The following NACAD variants were observed in gnomAD, a reference collection of about 807,000 sequenced individuals.
NACAD encodes NAC-alpha domain-containing protein 1.
Under a neutral mutation model 98.9 loss-of-function variants are expected in NACAD, and 47 were observed. The observed-to-expected ratio is 0.48, with a 90% CI of 0.38 to 0.61. The LOEUF is 0.61. Among genes scored for constraint, NACAD ranks in the 20% least tolerant of loss-of-function variants. NACAD has a pLI of 0.00. For synonymous variants in NACAD, 696 were observed against 767.2 expected (o/e 0.91, Z 1.53); for missense variants, 1,412 against 1,748.2 (o/e 0.81, Z 3.43).
In NACAD at chr7:45,080,498, C is replaced by T. The variant is rs1408780130; in HGVS notation, c.*11G>A. The T allele has an allele frequency of 5.8e-6, 9 of 1,551,458 alleles. No individual in the cohort carries two copies. The highest frequency in any genetic ancestry group is 2.0e-5 in the Admixed American group (1 of 50,998). On this transcript the variant is annotated 3_prime_UTR_variant, in exon 8 of 8. Coordinates refer to ENST00000490531, the MANE Select transcript of NACAD (RefSeq NM_001146334.2). ...GGAAGGCGTAGGATGGCTCCAGCTTCCGGTCAGTGGCTACATGGTCAGTTC... is the reference window on the plus strand; with the variant it reads ...GGAAGGCGTAGGATGGCTCCAGCTTTCGGTCAGTGGCTACATGGTCAGTTC...
chr7:45,081,607 G>A lies in NACAD; in HGVS notation c.4251C>T (p.Ala1417=). Residue 1417 remains alanine, a synonymous_variant, in exon 4 of 8, where the codon GCC becomes GCT. Coordinates refer to ENST00000490531, the MANE Select transcript of NACAD (RefSeq NM_001146334.2). ...GAGGGAGCCACCAGCCCACCTTTCGGGCCTTCTTCTCACTGCGACTCTGCT... is the reference window on the plus strand; with the variant it reads ...GAGGGAGCCACCAGCCCACCTTTCGAGCCTTCTTCTCACTGCGACTCTGCT... ...KAKQSRSEKK[A]RKAMSKLGLR... 1 of 1,551,414 alleles carries A rather than the reference G, an allele frequency of 6.4e-7. No individual in the cohort carries two copies. The highest frequency in any genetic ancestry group is 2.4e-5 in the East Asian group (1 of 40,906).
At position 45,081,876 on chromosome 7, in the gene NACAD, G is replaced by A; in HGVS notation, c.4073-9C>T. 1 of 1,542,774 alleles carries A rather than the reference G, an allele frequency of 6.5e-7. No homozygotes were observed. Among genetic ancestry groups the A allele is most frequent in the Non-Finnish European group, 8.7e-7 (1 of 1,146,606 alleles). On this transcript the variant is annotated splice_polypyrimidine_tract_variant and intron_variant, in intron 2 of 7. Coordinates refer to ENST00000490531, the MANE Select transcript of NACAD (RefSeq NM_001146334.2). Reference sequence around the variant, plus strand: ...CAGGGCCCGAGGCGAGTCTGGGGAAGGGGAGAGGTGTGAGGATGGCCTTTT... The same window carrying A: ...CAGGGCCCGAGGCGAGTCTGGGGAAAGGGAGAGGTGTGAGGATGGCCTTTT...
In NACAD at chr7:45,084,870, T is replaced by C. The variant is rs1041133572; in HGVS notation, c.1310A>G (p.Gln437Arg). The change falls in exon 2 of 8, where the codon CAG becomes CGG. Residue 437 changes from glutamine to arginine, a missense_variant. Gln to Arg is a conservative substitution (Grantham distance 43, BLOSUM62 1). Transcript: ENST00000490531. ...SGGGAKGLQA[Q>R]DGTVSWAVEA... is the part of the protein sequence containing the mutation. ...CACGGCCCAGGACACAGTCCCATCC[T>C]GAGCCTGCAGCCCCTTGGCCCCACC... 1.3e-6 allele frequency: 2 copies of C among 1,551,054 alleles called. No individual in the cohort carries two copies.
At position 45,088,141 on chromosome 7, in the gene NACAD, A is replaced by C. The variant is rs981087706; in HGVS notation, c.67+687T>G. On this transcript the variant is annotated intron_variant, in intron 1 of 7. Transcript: ENST00000490531. This position sits in a 1 kb window ranked among gnomAD's most constrained non-coding sequence, Gnocchi z 5.7. Reference sequence around the variant, plus strand: ...CCCACACATGGCTGACCTCCACGCCAGGACTGTCCAGGCTCGGCTCTTTCT... The same window carrying C: ...CCCACACATGGCTGACCTCCACGCCCGGACTGTCCAGGCTCGGCTCTTTCT... Among the ~76,000 whole-genome samples the C allele has an allele frequency of 2.6e-5, 4 of 152,154 alleles. No individual in the cohort carries two copies. The highest frequency in any genetic ancestry group is 5.9e-5 in the Non-Finnish European group (4 of 68,022).
rs1784463806 is a variant in NACAD, at chr7:45,083,315, G to A, written c.2865C>T (p.Ala955=). ...PQTLQAEAGC[A]PGTEPVATMA... ...TGGTGGCCACAGGCTCTGTCCCTGG[G>A]GCACAGCCTGCTTCTGCCTGCAAGG... is the stretch of plus-strand genomic sequence containing the variant. Residue 955 remains alanine (A), a synonymous_variant, in exon 2 of 8, where the codon GCC becomes GCT. Coordinates refer to ENST00000490531, the MANE Select transcript of NACAD (RefSeq NM_001146334.2). 6.4e-7 allele frequency: 1 copy of A among 1,551,196 alleles called. No individual in the cohort carries two copies. The highest frequency in any genetic ancestry group is 8.7e-7 in the Non-Finnish European group (1 of 1,146,994).
Position 45,082,502 on chromosome 7 carries a change from G to A in NACAD, c.3678C>T (p.Gly1226=). The part of the protein sequence containing the change: ...QPSTPVDRPL[G]PDPSAPGTLA... ...GGGTACCAGGAGCAGAAGGGTCAGG[G>A]CCCAGGGGCCTGTCCACGGGCGTGC... Residue 1226 remains glycine (G), a synonymous_variant, in exon 2 of 8, where the codon GGC becomes GGT. Transcript: ENST00000490531. This position sits in a 1 kb window ranked among gnomAD's most constrained non-coding sequence, Gnocchi z 4.5. 2.6e-6 allele frequency: 4 copies of A among 1,549,650 alleles called. No individual in the cohort carries two copies. The highest frequency in any genetic ancestry group is 3.5e-6 in the Non-Finnish European group (4 of 1,146,852).
chr7:45,088,482 C>G lies in NACAD; in HGVS notation c.67+346G>C, dbSNP rs557938432. Among the ~76,000 whole-genome samples, 327 of 152,304 alleles carry G rather than the reference C, an allele frequency of 2.1e-3. 1 individual carries two copies. The highest frequency in any genetic ancestry group is 3.4e-3 in the Non-Finnish European group (228 of 68,024). ...ACACCCCGCCTCCAGAACCCGCTGC[C>G]TCTGTCCAGAGCGGCCCAGCCCCAG... is the stretch of plus-strand genomic sequence containing the variant. On this transcript the variant is annotated intron_variant, in intron 1 of 7. Transcript: ENST00000490531. The surrounding 1 kb of genome is among the most constrained non-coding windows in gnomAD (Gnocchi z 5.7).
intron 6 of NACAD, 56 bp downstream of exon 6, chr7:45,080,820 C>T (rs1378644297): frequency 1.7e-5 from 27 of 1,549,126 alleles, no homozygotes; most frequent in Non-Finnish European, 2.4e-5. Context: ...GGGGCAGAGC[C>T]CCCATGTAGC....
rs1584008978 is a variant in NACAD at position 45,082,064 on chromosome 7, T to C, written c.4072+44A>G. 4.1e-6 allele frequency: 6 copies of C among 1,460,686 alleles called. No homozygotes were observed. In the South Asian group the frequency reaches 4.4e-5, roughly 11 times the overall value. The allele number at this position is 1,460,686 out of a possible 1,614,324, so 90.5% of individuals were successfully genotyped here. A position where few individuals can be genotyped will look rare whatever the true frequency, so the allele number is the denominator to read the frequency against. On this transcript the variant is annotated intron_variant, in intron 2 of 7. Coordinates refer to ENST00000490531, the MANE Select transcript of NACAD (RefSeq NM_001146334.2). This position sits in a 1 kb window ranked among gnomAD's most constrained non-coding sequence, Gnocchi z 4.5. ...AGGACAGCTCTAAGGAGGAGTCCAG[T>C]TGACCCAAGCCCCAGGGCACTTCAC...
In NACAD at chr7:45,088,727, CA is replaced by C. The variant is rs1433041909; in HGVS notation, c.67+100del. ...AAAGGGGAGGGGACTCGAGGGGGGC[CA>C]GGGGGATGGGGGAGAGGGGTGAAAG... On this transcript the variant is annotated intron_variant, in intron 1 of 7. Transcript: ENST00000490531. The surrounding 1 kb of genome is among the most constrained non-coding windows in gnomAD (Gnocchi z 5.7). 2.1e-5 allele frequency: 19 copies of C among 910,298 alleles called. No homozygotes were observed. The highest frequency in any genetic ancestry group is 4.9e-5 in the African/African-American group (2 of 41,170). The allele number at this position is 910,298 out of a possible 1,614,324, so 56.4% of individuals were successfully genotyped here.
At position 45,086,566 on chromosome 7, in the gene NACAD, G is replaced by A. The variant is rs185393548; in HGVS notation, c.68-454C>T. ...AATAGATGCGCCACATGAGGCAGGT[G>A]GCACCAGCACGACGCGCGCAGCTCG... is the stretch of plus-strand genomic sequence containing the variant. On this transcript the variant is annotated intron_variant, in intron 1 of 7. Coordinates refer to ENST00000490531, the MANE Select transcript of NACAD (RefSeq NM_001146334.2). Among the ~76,000 whole-genome samples, 193 of 152,330 alleles carry A rather than the reference G, an allele frequency of 1.3e-3. 1 individual carries two copies. The highest frequency in any genetic ancestry group is 4.3e-3 in the African/African-American group (178 of 41,576).
chr7:45,081,524 G>A, intron 4 of NACAD, 77 bp downstream of exon 4: 1 of 1,509,720 alleles, frequency 6.6e-7, no homozygotes, highest in Non-Finnish European at 9.0e-7. Flanking sequence ...TAGCCATGGA[G>A]TGTGAGGGTC....
chr7:45,081,055 C>A, intron 5 of NACAD, 33 bp from the exon 6 acceptor site: 15 of 1,550,620 alleles, frequency 9.7e-6, no homozygotes, highest in Non-Finnish European at 1.3e-5. Context: ...GTCAGTAGAG[C>A]CTGTCCCCCC....
rs1215084225 is a variant in NACAD at position 45,082,665 on chromosome 7, G to C, written c.3515C>G (p.Ala1172Gly). The C allele has an allele frequency of 1.3e-6, 2 of 1,507,276 alleles. No individual in the cohort carries two copies. The highest frequency in any genetic ancestry group is 2.8e-5 in the African/African-American group (2 of 71,926). 93.4% of individuals were successfully genotyped at this position (1,507,276 alleles called of 1,614,324 possible). A position where few individuals can be genotyped will look rare whatever the true frequency, so the allele number is the denominator to read the frequency against. Residue 1172 changes from alanine (A) to glycine (G), a missense_variant, in exon 2 of 8, where the codon GCC becomes GGC. This residue lies in a region of NACAD where 572 missense variants were observed against 639.6 expected (regional missense o/e 0.89). Coordinates refer to ENST00000490531, the MANE Select transcript of NACAD (RefSeq NM_001146334.2). The surrounding 1 kb of genome is among the most constrained non-coding windows in gnomAD (Gnocchi z 4.5). ...CTGGGAGGTTGGTGCAGACGTGGGG[G>C]CAGGCGCGTCAGGGCAGCCTCTGTC... The part of the protein sequence containing the change: ...SLDRGCPDAP[A>G]PTSAPTSQQP...
Position 45,083,135 on chromosome 7 carries a change from T to C in NACAD, c.3045A>G (p.Ala1015=), listed in dbSNP as rs1178401629. 17 of 1,550,688 alleles carry C rather than the reference T, an allele frequency of 1.1e-5. No homozygotes were observed. The highest frequency in any genetic ancestry group is 1.4e-5 in the Non-Finnish European group (16 of 1,147,002). ...CCAAAGTGGAATCCGCATCTTCCTG[T>C]GCGGCCCAAGGTGTCCCAGCTTCTG... ...PAAEAGTPWA[A]QEDADSTLGM... is the part of the protein sequence containing the mutation. Residue 1015 remains alanine (A), a synonymous_variant, in exon 2 of 8, where the codon GCA becomes GCG. Transcript: ENST00000490531.
At position 45,085,335 on chromosome 7, in the gene NACAD, G is replaced by C. The variant is rs1784501748; in HGVS notation, c.845C>G (p.Ala282Gly). ...EPPSSESSLS[A>G]DSSSSWGQEG... Reference sequence around the variant, plus strand: ...CTGGCCCCAGGAGGAGCTGCTGTCTGCAGAGAGGCTGGACTCAGAGGACGG... The same window carrying C: ...CTGGCCCCAGGAGGAGCTGCTGTCTCCAGAGAGGCTGGACTCAGAGGACGG... The change falls in exon 2 of 8, where the codon GCA becomes GGA. Residue 282 changes from alanine (A) to glycine (G), a missense_variant. By Grantham distance (60) the Ala-to-Gly change is moderately conservative. This residue lies in a region of NACAD where 638 missense variants were observed against 722.7 expected (regional missense o/e 0.88). Transcript: ENST00000490531. This position sits in a 1 kb window ranked among gnomAD's most constrained non-coding sequence, Gnocchi z 6.1. 1 of 1,550,982 alleles carries C rather than the reference G, an allele frequency of 6.4e-7. No homozygotes were observed. The highest frequency in any genetic ancestry group is 8.7e-7 in the Non-Finnish European group (1 of 1,146,860).
At chr7:45,080,849 C>G in intron 6 of NACAD, 27 bp downstream of exon 6, 1 of 1,551,294 alleles carries the variant, frequency 6.4e-7, no homozygotes, top group Non-Finnish European at 8.7e-7. Flanking sequence ...CCACCCCCTG[C>G]GAGGCCCTGG....
At position 45,081,198 on chromosome 7, in the gene NACAD, C is replaced by T. The variant is rs748535000; in HGVS notation, c.4323G>A (p.Lys1441=). The change falls in exon 5 of 8, where the codon AAG becomes AAA. Residue 1441 remains lysine (K), a synonymous_variant. Transcript: ENST00000490531. ...GCTTGGCGATGACAAAGAGGATGTT[C>T]TTGGACTTCTGGATGGTGATCCTGG... is the stretch of plus-strand genomic sequence containing the variant. ...GVTRITIQKS[K]NILFVIAKPD... is the part of the protein sequence containing the mutation. The T allele has an allele frequency of 5.2e-5, 80 of 1,551,376 alleles. No individual in the cohort carries two copies. Among genetic ancestry groups the T allele is most frequent in the Non-Finnish European group, 6.0e-5 (69 of 1,147,012 alleles).
chr7:45,084,501 T>C lies in NACAD; in HGVS notation c.1679A>G (p.Asp560Gly). Residue 560 changes from aspartate (D) to glycine (G), a missense_variant, in exon 2 of 8, where the codon GAC becomes GGC. This residue lies in a region of NACAD where 638 missense variants were observed against 722.7 expected (regional missense o/e 0.88). Coordinates refer to ENST00000490531, the MANE Select transcript of NACAD (RefSeq NM_001146334.2). ...TTCTTCCTTCAAGTTCTGAGGAGAG[T>C]CTGGACACAATGTGAGGCTTGTTTC... ...QEETSLTLCP[D>G]SPQNLKEEGG... is the part of the protein sequence containing the mutation. 1 of 1,551,970 alleles carries C rather than the reference T, an allele frequency of 6.4e-7. No individual in the cohort carries two copies. Among genetic ancestry groups the C allele is most frequent in the Non-Finnish European group, 8.7e-7 (1 of 1,147,038 alleles).
Sources: gnomAD v4.1 joint callset for allele counts (sites outside exome capture counted in the v4.1 genomes callset) on GRCh38, gnomAD v4.1.1 for gene constraint, gnomAD v4.1.1 regional missense constraint, Gnocchi (gnomAD v3.1) non-coding constraint, MANE v1.5 for transcripts, NCBI Gene and HGNC (gene_info 2026-07-23, HGNC 2026-07-21) for gene names.